Variants in SLC25A20 observed in about 807,000 individuals in gnomAD.
SLC25A20 encodes the protein solute carrier family 25 member 20, also known as mitochondrial carnitine/acylcarnitine carrier protein.
In SLC25A20, 29 loss-of-function variants were observed where a neutral mutation model predicts 39.7. The observed-to-expected ratio is 0.73, with a 90% CI of 0.54 to 1.00. The LOEUF is 1.00. Ranked by LOEUF, SLC25A20 falls within the 50% of genes least tolerant of loss-of-function variation. SLC25A20 has a pLI of 0.00. For synonymous variants in SLC25A20, 103 were observed against 142.2 expected, an observed-to-expected ratio of 0.72 and a Z score of 1.96; for missense variants, 333 against 379.9, an observed-to-expected ratio of 0.88 and a Z score of 1.03.
intron 6 of SLC25A20, 119 bp from the exon 7 acceptor site, chr3:48,859,320 G>T: frequency 1.1e-6 from 1 of 936,930 alleles, no homozygotes; most frequent in Non-Finnish European, 1.7e-6. Flanking sequence ...GAGGGAGGAG[G>T]TATAAGGCCA....
intron 4 of SLC25A20, among the ~76,000 whole-genome samples, chr3:48,877,296 C>A (rs1469718699): frequency 6.6e-6 from 1 of 152,090 alleles, no homozygotes; most frequent in African/African-American, 2.4e-5. Context: ...TGCCTGTAAT[C>A]CCAGCGATTC....
chr3:48,860,743 A>G (rs1055851241), intron 5 of SLC25A20, among the ~76,000 whole-genome samples: 1 of 151,754 alleles, frequency 6.6e-6, no homozygotes. Flanking sequence ...AGCCAAGATC[A>G]CACTAATGCA....
intron 2 of SLC25A20, among the ~76,000 whole-genome samples, chr3:48,887,480 G>A (rs891419024): frequency 1.3e-5 from 2 of 152,178 alleles, no homozygotes; most frequent in African/African-American, 4.8e-5. Flanking sequence ...TAATGACCAA[G>A]AGGCAGGTAA....
chr3:48,891,040 C>A (rs892468527), intron 2 of SLC25A20, among the ~76,000 whole-genome samples: 1 of 152,084 alleles, frequency 6.6e-6, no homozygotes, highest in Admixed American at 6.6e-5. Context: ...GTGGTCCCCC[C>A]GGCCCAGCTG....
At chr3:48,890,196 C>T (rs767218213) in intron 2 of SLC25A20, among the ~76,000 whole-genome samples, 1 of 152,130 alleles carries the variant, frequency 6.6e-6, no homozygotes, top group Non-Finnish European at 1.5e-5. Flanking sequence ...TCCTCCCATA[C>T]TCCTGGTTCC....
chr3:48,894,600 C>T (rs2083899820), intron 1 of SLC25A20, among the ~76,000 whole-genome samples: 1 of 151,788 alleles, frequency 6.6e-6, no homozygotes, highest in Admixed American at 6.6e-5. Context: ...TGTTTTAAGC[C>T]ATTAAGTTTT....
intron 4 of SLC25A20, among the ~76,000 whole-genome samples, chr3:48,864,347 C>CAA (rs55843120): frequency 6.2e-5 from 3 of 48,060 alleles, no homozygotes; most frequent in Non-Finnish European, 1.0e-4. Context: ...GACTCTGTCT[C>CAA]AAAAAAAAAA....
chr3:48,878,120 G>T (rs1307245586), intron 4 of SLC25A20, among the ~76,000 whole-genome samples: 1 of 151,614 alleles, frequency 6.6e-6, no homozygotes, highest in Non-Finnish European at 1.5e-5. Flanking sequence ...AATTAGGTGG[G>T]CGTGGTGGCA....
intron 4 of SLC25A20, among the ~76,000 whole-genome samples, chr3:48,876,342 C>CAA (rs796648485): frequency 1.7e-5 from 1 of 58,624 alleles, no homozygotes. Context: ...GACTCCATCT[C>CAA]AAAAAAAAAA....
At chr3:48,866,777 C>T (rs2083672805) in intron 4 of SLC25A20, among the ~76,000 whole-genome samples, 1 of 151,764 alleles carries the variant, frequency 6.6e-6, no homozygotes, top group Non-Finnish European at 1.5e-5. Flanking sequence ...GCTACAGGTG[C>T]ATGCCACCAC....
At chr3:48,861,774 C>T (rs1488913953) in intron 5 of SLC25A20, among the ~76,000 whole-genome samples, 1 of 151,926 alleles carries the variant, frequency 6.6e-6, no homozygotes, top group South Asian at 2.1e-4. Context: ...CACCAGTAAT[C>T]CCGGCACCTT....
Position 48,891,981 on chromosome 3 carries a change from T to A in SLC25A20, c.197A>T (p.Glu66Val). Residue 66 changes from glutamate (E) to valine (V), a missense_variant and splice_region_variant, in exon 2 of 9, where the codon GAG becomes GTG. Physicochemically the swap from Glu to Val is moderately radical, Grantham distance 121. Transcript: ENST00000319017. The part of the protein sequence containing the change: ...FDCFRKTLFR[E>V]GITGLYRGMA... ...GAATGCCCAGCACCATATACCAACCTCTCTAAAAAGAGTCTTCCGGAAACA... is the reference window on the plus strand; with the variant it reads ...GAATGCCCAGCACCATATACCAACCACTCTAAAAAGAGTCTTCCGGAAACA... 1 of 1,611,762 alleles carries A rather than the reference T, an allele frequency of 6.2e-7. No individual in the cohort carries two copies. The highest frequency in any genetic ancestry group is 8.5e-7 in the Non-Finnish European group (1 of 1,178,086).
intron 4 of SLC25A20, among the ~76,000 whole-genome samples, chr3:48,869,284 A>T (rs983798353): frequency 1.3e-5 from 2 of 152,218 alleles, no homozygotes; most frequent in African/African-American, 4.8e-5. Flanking sequence ...GAGACATTAG[A>T]ATTATCTGAC....
chr3:48,873,445 C>T (rs1424464771), intron 4 of SLC25A20, among the ~76,000 whole-genome samples: 2 of 149,706 alleles, frequency 1.3e-5, no homozygotes, highest in Non-Finnish European at 3.0e-5. Context: ...CCCGTCTCTA[C>T]TGCAAATACA....
At chr3:48,877,603 C>T (rs1440008046) in intron 4 of SLC25A20, among the ~76,000 whole-genome samples, 1 of 151,702 alleles carries the variant, frequency 6.6e-6, no homozygotes, top group East Asian at 1.9e-4. Context: ...GTGGCGCACA[C>T]CTGTAGTCTC....
At chr3:48,890,478 C>A (rs1225600129) in intron 2 of SLC25A20, among the ~76,000 whole-genome samples, 1 of 151,390 alleles carries the variant, frequency 6.6e-6, no homozygotes, top group Non-Finnish European at 1.5e-5. Flanking sequence ...CATGAGCCAC[C>A]GCGCCCGGCC....
In SLC25A20 at chr3:48,865,974, CA is replaced by C. The variant is rs1189751921; in HGVS notation, c.418-3316del. 7.0e-5 allele frequency among the ~76,000 whole-genome samples: 10 copies of C among 141,918 alleles called. 1 individual carries two copies. The highest frequency in any genetic ancestry group is 9.3e-5 in the Non-Finnish European group (6 of 64,688). 93.1% of individuals were successfully genotyped at this position (141,918 alleles called of 152,430 possible). ...TGAAACCCCGTCTCTACTAAAAATA[CA>C]AAAAAAAAATTAGCTGGGCCTGGTA... On this transcript the variant is annotated intron_variant, in intron 4 of 8. Coordinates refer to ENST00000319017, the MANE Select transcript of SLC25A20 (RefSeq NM_000387.6).
intron 4 of SLC25A20, among the ~76,000 whole-genome samples, chr3:48,876,607 G>A (rs2083759486): frequency 6.6e-6 from 1 of 151,018 alleles, no homozygotes; most frequent in Non-Finnish European, 1.5e-5. Flanking sequence ...TGTATTTTTA[G>A]TAGAGACGGG....
In SLC25A20 at chr3:48,857,707, G is replaced by A; in HGVS notation, c.*3C>T. The stretch of plus-strand genomic sequence containing the variant: ...CAGAAGTGAACTTGAGCAGCCTTCA[G>A]CCTCACAAGTTGGGGGTGGCCCAAT... On this transcript the variant is annotated 3_prime_UTR_variant, in exon 9 of 9. Coordinates refer to ENST00000319017, the MANE Select transcript of SLC25A20 (RefSeq NM_000387.6). 6.2e-7 allele frequency: 1 copy of A among 1,613,710 alleles called. No homozygotes were observed. The highest frequency in any genetic ancestry group is 1.7e-4 in the Middle Eastern group (1 of 6,056).
Sources: allele counts gnomAD v4.1 joint callset (sites outside exome capture counted in the v4.1 genomes callset), GRCh38; gene constraint gnomAD v4.1.1; transcripts MANE v1.5; gene names NCBI Gene and HGNC (gene_info 2026-07-23, HGNC 2026-07-21).